DTWD2: variants seen among roughly 807,000 people sequenced by gnomAD.
DTWD2 encodes the protein tRNA-uridine aminocarboxypropyltransferase 2.
DTWD2 carries 39 observed loss-of-function variants against 31.8 expected under a neutral mutation model. The ratio of observed to expected loss-of-function variants is 1.22; its 90% CI spans 0.95 to 1.60. The LOEUF (loss-of-function observed/expected upper bound fraction) is 1.60, where lower values mean the gene tolerates loss of function less well. Among genes scored for constraint, DTWD2 ranks in the 40% most tolerant of loss-of-function variants. The pLI, the probability that DTWD2 is intolerant of heterozygous loss-of-function variation, is 0.00. For synonymous variants in DTWD2, 180 were observed against 142.8 expected (o/e 1.26, Z -1.86); for missense variants, 515 against 381.5 (o/e 1.35, Z -2.92).
intron 4 of DTWD2, among the ~76,000 whole-genome samples, chr5:118,915,374 A>AT (rs199654152): frequency 0.059 from 8,124 of 138,210 alleles, 251 homozygotes; most frequent in Middle Eastern, 0.15. Flanking sequence ...TAATCTTTGA[A>AT]TTTTTTTTTT....
In DTWD2 at chr5:118,885,478, A is replaced by G. The variant is rs1236269376; in HGVS notation, c.598-37260T>C. Among the ~76,000 whole-genome samples the G allele has an allele frequency of 6.6e-5, 10 of 150,378 alleles. No individual in the cohort carries two copies. The East Asian group carries it at 2.0e-3, about 29-fold the overall frequency. On this transcript the variant is annotated intron_variant, in intron 4 of 5. Coordinates refer to ENST00000510708, the MANE Select transcript of DTWD2 (RefSeq NM_173666.4). ...CCTCAAAAAAAAAAAAAAAAAAAAA[A>G]AAATTGGCCAGGCGCAGTGGCTCAC...
At chr5:118,929,434 T>C (rs1364944068) in intron 3 of DTWD2, among the ~76,000 whole-genome samples, 1 of 152,010 alleles carries the variant, frequency 6.6e-6, no homozygotes, top group Non-Finnish European at 1.5e-5. Flanking sequence ...CACCCCAACC[T>C]GTAACCAATC....
chr5:118,984,085 G>A lies in DTWD2; in HGVS notation c.218+4209C>T, dbSNP rs190047214. Among the ~76,000 whole-genome samples the A allele has an allele frequency of 2.4e-4, 37 of 152,300 alleles. No homozygotes were observed. In the East Asian group the frequency reaches 6.6e-3, roughly 27 times the overall value. On this transcript the variant is annotated intron_variant, in intron 1 of 5. Coordinates refer to ENST00000510708, the MANE Select transcript of DTWD2 (RefSeq NM_173666.4). The stretch of plus-strand genomic sequence containing the variant: ...GCGGATCACCTGAGGTTGGAAGCTC[G>A]AGACCAGCCTGACCAACATGGAGAA...
At chr5:118,879,672 A>C (rs1271395730) in intron 4 of DTWD2, among the ~76,000 whole-genome samples, 1 of 151,976 alleles carries the variant, frequency 6.6e-6, no homozygotes, top group Non-Finnish European at 1.5e-5. Context: ...ATGGAGCTAA[A>C]GGCCCTTATC....
intron 1 of DTWD2, among the ~76,000 whole-genome samples, chr5:118,968,848 T>G (rs183960903): frequency 5.0e-4 from 76 of 152,308 alleles, no homozygotes; most frequent in Non-Finnish European, 7.1e-4. Flanking sequence ...CCCACTCCCA[T>G]GGCACCTCAC....
intron 1 of DTWD2, among the ~76,000 whole-genome samples, chr5:118,983,448 T>C (rs1755352395): frequency 6.6e-6 from 1 of 152,180 alleles, no homozygotes. Context: ...GAGTGCCAGT[T>C]TGTGGCTCGT....
rs750583792 is a variant in DTWD2, at chr5:118,841,009, G to C, written c.805C>G (p.Leu269Val). The change falls in exon 6 of 6, where the codon CTT (leucine) becomes GTT (valine). Residue 269 changes from leucine (L) to valine (V), a missense_variant. Coordinates refer to ENST00000510708, the MANE Select transcript of DTWD2 (RefSeq NM_173666.4). Reference sequence around the variant, plus strand: ...TTAGGATATAATCCATTTTTCAGAAGGTGTTCCTTGCTGAGGCGAATTTGG... The same window carrying C: ...TTAGGATATAATCCATTTTTCAGAACGTGTTCCTTGCTGAGGCGAATTTGG... The part of the protein sequence containing the change: ...GAQIRLSKEH[L>V]LKNGLYPKPM... 5.0e-6 allele frequency: 8 copies of C among 1,613,588 alleles called. No individual in the cohort carries two copies. The highest frequency in any genetic ancestry group is 2.2e-5 in the East Asian group (1 of 44,794).
chr5:118,840,812 C>T lies in DTWD2; in HGVS notation c.*105G>A. ...TTCTGGGTAAGATTAGTATGCAATT[C>T]TCCTTCTTTAGCAAGTCAAAAACCT... On this transcript the variant is annotated 3_prime_UTR_variant, in exon 6 of 6. Transcript: ENST00000510708. The T allele has an allele frequency of 9.9e-7, 1 of 1,011,146 alleles. No individual in the cohort carries two copies. The highest frequency in any genetic ancestry group is 1.3e-6 in the Non-Finnish European group (1 of 749,026). 62.6% of individuals were successfully genotyped at this position (1,011,146 alleles called of 1,614,324 possible).
chr5:118,926,769 A>G (rs1363711093), intron 4 of DTWD2, among the ~76,000 whole-genome samples: 1 of 152,076 alleles, frequency 6.6e-6, no homozygotes, highest in Non-Finnish European at 1.5e-5. Flanking sequence ...CAGTGGCACA[A>G]TCATAGCTCA....
chr5:118,900,977 T>C (rs1318094499), intron 4 of DTWD2, among the ~76,000 whole-genome samples: 1 of 151,338 alleles, frequency 6.6e-6, no homozygotes, highest in Non-Finnish European at 1.5e-5. Context: ...TGCTCTACTT[T>C]TAGTGGAGGT....
intron 4 of DTWD2, among the ~76,000 whole-genome samples, chr5:118,912,663 T>A (rs547207553): frequency 2.6e-5 from 4 of 152,214 alleles, no homozygotes; most frequent in Non-Finnish European, 5.9e-5. Flanking sequence ...CAGGGCCTTC[T>A]CTTCTCCAGG....
chr5:118,919,449 G>C (rs1753653190), intron 4 of DTWD2, among the ~76,000 whole-genome samples: 1 of 152,162 alleles, frequency 6.6e-6, no homozygotes, highest in African/African-American at 2.4e-5. Flanking sequence ...ACCACCTTTA[G>C]AATGTGAACA....
intron 1 of DTWD2, among the ~76,000 whole-genome samples, chr5:118,966,494 G>C (rs1004148585): frequency 6.6e-6 from 1 of 152,206 alleles, no homozygotes; most frequent in South Asian, 2.1e-4. Flanking sequence ...GTGGTTTTTA[G>C]ATCTTTGCAA....
chr5:118,852,520 C>T (rs1234597592), intron 4 of DTWD2, among the ~76,000 whole-genome samples: 4 of 152,064 alleles, frequency 2.6e-5, no homozygotes, highest in African/African-American at 9.7e-5. Flanking sequence ...AATGAGATAC[C>T]ACCTCACACA....
chr5:118,888,411 C>T (rs894964824), intron 4 of DTWD2, among the ~76,000 whole-genome samples: 1 of 152,108 alleles, frequency 6.6e-6, no homozygotes, highest in Non-Finnish European at 1.5e-5. Flanking sequence ...TCACATTCAC[C>T]TGTGTTATAG....
At chr5:118,863,560 ATGTG>A (rs1752315160) in intron 4 of DTWD2, among the ~76,000 whole-genome samples, 1 of 152,200 alleles carries the variant, frequency 6.6e-6, no homozygotes, top group Non-Finnish European at 1.5e-5. Context: ...TGGGTGAGTA[ATGTG>A]TGTGTCACTT....
chr5:118,921,136 A>C (rs1753693499), intron 4 of DTWD2, among the ~76,000 whole-genome samples: 1 of 152,098 alleles, frequency 6.6e-6, no homozygotes, highest in African/African-American at 2.4e-5. Flanking sequence ...ACTATCTACA[A>C]CCTCAGAGAT....
intron 4 of DTWD2, among the ~76,000 whole-genome samples, chr5:118,900,194 T>C (rs1205981374): frequency 6.6e-6 from 1 of 152,246 alleles, no homozygotes; most frequent in Non-Finnish European, 1.5e-5. Context: ...TAGTTTTTAC[T>C]GCTGTAGAGC....
intron 2 of DTWD2, among the ~76,000 whole-genome samples, chr5:118,941,936 A>T (rs999315650): frequency 1.3e-5 from 2 of 152,158 alleles, no homozygotes; most frequent in Non-Finnish European, 2.9e-5. Context: ...CCAGTGATGA[A>T]GAGCATTTTT....
Sources: allele counts gnomAD v4.1 joint callset (sites outside exome capture counted in the v4.1 genomes callset), GRCh38; gene constraint gnomAD v4.1.1; transcripts MANE v1.5; gene names NCBI Gene and HGNC (gene_info 2026-07-23, HGNC 2026-07-21).